The following VWC2L variants were observed in gnomAD, a reference collection of about 807,000 sequenced individuals.
VWC2L encodes von Willebrand factor C domain-containing protein 2-like.
VWC2L carries 10 observed loss-of-function variants against 21.6 expected under a neutral mutation model. That is an observed-to-expected ratio of 0.46 (90% CI 0.29 to 0.78). VWC2L has a LOEUF of 0.78. Among genes scored for constraint, VWC2L ranks in the 30% least tolerant of loss-of-function variants. VWC2L has a pLI of 0.10. For missense variants in VWC2L, 209 were observed against 277.1 expected, an observed-to-expected ratio of 0.75 and a Z score of 1.74; for synonymous variants, 96 against 94.3, an observed-to-expected ratio of 1.02 and a Z score of -0.10.
intron 3 of VWC2L, among the ~76,000 whole-genome samples, chr2:214,448,701 C>G (rs1429689996): frequency 3.3e-5 from 5 of 152,144 alleles, no homozygotes; most frequent in African/African-American, 4.8e-5. Context: ...TACCCAGTAT[C>G]ATTCTCAATG....
chr2:214,427,039 A>G (rs1702534690), intron 2 of VWC2L, among the ~76,000 whole-genome samples: 1 of 152,200 alleles, frequency 6.6e-6, no homozygotes, highest in South Asian at 2.1e-4. Context: ...GGCCAGGATT[A>G]TTTTTGCCAA....
intron 3 of VWC2L, among the ~76,000 whole-genome samples, chr2:214,541,923 T>TC (rs1553600961): frequency 1.3e-5 from 2 of 151,584 alleles, no homozygotes; most frequent in African/African-American, 4.8e-5. Context: ...TTTTTTTTTT[T>TC]CCCAGAGGTA....
chr2:214,511,929 C>T (rs1444434267), intron 3 of VWC2L, among the ~76,000 whole-genome samples: 51 of 147,816 alleles, frequency 3.5e-4, no homozygotes, highest in South Asian at 8.6e-4. Context: ...TACACACACA[C>T]ACACACACAC....
intron 3 of VWC2L, among the ~76,000 whole-genome samples, chr2:214,551,092 T>A (rs1196090028): frequency 6.6e-6 from 1 of 152,254 alleles, no homozygotes; most frequent in East Asian, 1.9e-4. Flanking sequence ...GGAATAAAAC[T>A]GTTGAACTAT....
In VWC2L at chr2:214,487,639, G is replaced by T. The variant is rs188089596; in HGVS notation, c.520+50881G>T. Among the ~76,000 whole-genome samples, 407 of 152,240 alleles carry T rather than the reference G, an allele frequency of 2.7e-3. 2 individuals are homozygous for T. The highest frequency in any genetic ancestry group is 4.6e-3 in the Non-Finnish European group (311 of 68,014). On this transcript the variant is annotated intron_variant, in intron 3 of 3. Coordinates refer to ENST00000312504, the MANE Select transcript of VWC2L (RefSeq NM_001080500.4). ...TGAATAGAAGTAAGCCAAAGACAAT[G>T]GGCCTTCCATGAAACTTTTGCCCTT...
At chr2:214,478,468 C>G (rs926783147) in intron 3 of VWC2L, among the ~76,000 whole-genome samples, 1 of 115,948 alleles carries the variant, frequency 8.6e-6, no homozygotes, top group Non-Finnish European at 1.8e-5. Flanking sequence ...AACTCCATCT[C>G]AAAAAAAAAA....
chr2:214,526,963 C>A (rs2105914108), intron 3 of VWC2L, among the ~76,000 whole-genome samples: 1 of 152,272 alleles, frequency 6.6e-6, no homozygotes, highest in South Asian at 2.1e-4. Flanking sequence ...ACCTAGGTAT[C>A]CATCAACAGT....
chr2:214,514,021 G>A (rs566276559), intron 3 of VWC2L, among the ~76,000 whole-genome samples: 1 of 152,126 alleles, frequency 6.6e-6, no homozygotes, highest in African/African-American at 2.4e-5. Context: ...TCTTTGGCTT[G>A]GGGTTTTATT....
At chr2:214,422,650 A>G (rs1189701834) in intron 2 of VWC2L, among the ~76,000 whole-genome samples, 1 of 152,200 alleles carries the variant, frequency 6.6e-6, no homozygotes, top group African/African-American at 2.4e-5. Flanking sequence ...GGGTTTTATC[A>G]TCACTACTGA....
intron 3 of VWC2L, among the ~76,000 whole-genome samples, chr2:214,438,295 A>G (rs1306728240): frequency 1.3e-5 from 2 of 152,096 alleles, no homozygotes; most frequent in East Asian, 3.9e-4. Flanking sequence ...AGAAAGTATT[A>G]TTTTTCATTT....
chr2:214,568,306 C>G (rs1690099671), intron 3 of VWC2L, among the ~76,000 whole-genome samples: 1 of 152,102 alleles, frequency 6.6e-6, no homozygotes, highest in African/African-American at 2.4e-5. Flanking sequence ...TGCATTTTGC[C>G]TGATTTACCC....
At chr2:214,472,837 G>A (rs1331835934) in intron 3 of VWC2L, among the ~76,000 whole-genome samples, 3 of 152,182 alleles carry the variant, frequency 2.0e-5, no homozygotes, top group African/African-American at 4.8e-5. Context: ...TATTCACCAT[G>A]GGTCCTGATG....
At chr2:214,559,699 C>A (rs1302870776) in intron 3 of VWC2L, among the ~76,000 whole-genome samples, 1 of 151,916 alleles carries the variant, frequency 6.6e-6, no homozygotes, top group African/African-American at 2.4e-5. Flanking sequence ...AGCCTTGAAC[C>A]CTTGAGCTTA....
At chr2:214,457,412 T>C (rs1321558563) in intron 3 of VWC2L, among the ~76,000 whole-genome samples, 1 of 152,134 alleles carries the variant, frequency 6.6e-6, no homozygotes. Context: ...GTGTAATCTT[T>C]AGGTTTATTA....
intron 3 of VWC2L, among the ~76,000 whole-genome samples, chr2:214,549,347 C>G (rs942724548): frequency 6.6e-6 from 1 of 152,156 alleles, no homozygotes; most frequent in African/African-American, 2.4e-5. Context: ...GGTATGTATA[C>G]CAAAGGGGAC....
At chr2:214,541,582 T>C (rs559917010) in intron 3 of VWC2L, among the ~76,000 whole-genome samples, 1 of 152,336 alleles carries the variant, frequency 6.6e-6, no homozygotes, top group South Asian at 2.1e-4. Flanking sequence ...TGCAGTGTGA[T>C]GAAGACTTGA....
chr2:214,541,416 C>T (rs1689624642), intron 3 of VWC2L, among the ~76,000 whole-genome samples: 1 of 152,194 alleles, frequency 6.6e-6, no homozygotes, highest in South Asian at 2.1e-4. Flanking sequence ...AGAGCTGCCT[C>T]ATTGCTCCAT....
chr2:214,570,002 T>C (rs947351238), intron 3 of VWC2L, among the ~76,000 whole-genome samples: 2 of 152,132 alleles, frequency 1.3e-5, no homozygotes, highest in Non-Finnish European at 1.5e-5. Context: ...TGCTCAGCTC[T>C]TAATACCACA....
chr2:214,429,126 G>T (rs1702565657), intron 2 of VWC2L, among the ~76,000 whole-genome samples: 1 of 152,180 alleles, frequency 6.6e-6, no homozygotes, highest in African/African-American at 2.4e-5. Flanking sequence ...TGCTGTTGTA[G>T]ATGACTGATT....
Sources: gnomAD v4.1 joint callset for allele counts (sites outside exome capture counted in the v4.1 genomes callset) on GRCh38, gnomAD v4.1.1 for gene constraint, MANE v1.5 for transcripts, NCBI Gene and HGNC (gene_info 2026-07-23, HGNC 2026-07-21) for gene names.